Variants in TRAPPC11 observed in about 807,000 individuals in gnomAD.
TRAPPC11 encodes trafficking protein particle complex subunit 11.
TRAPPC11 carries 104 observed loss-of-function variants against 151.2 expected under a neutral mutation model. That is an observed-to-expected ratio of 0.69 (90% CI 0.59 to 0.81). The LOEUF (loss-of-function observed/expected upper bound fraction) is 0.81, where lower values mean the gene tolerates loss of function less well. Among genes scored for constraint, TRAPPC11 ranks in the 30% least tolerant of loss-of-function variants. The pLI is 0.00. For missense variants in TRAPPC11, 1,230 were observed against 1,349.6 expected, an observed-to-expected ratio of 0.91 and a Z score of 1.39; for synonymous variants, 456 against 472.3, an observed-to-expected ratio of 0.97 and a Z score of 0.45.
In TRAPPC11 at chr4:183,668,049, A is replaced by C. The variant is rs368033997; in HGVS notation, c.492A>C (p.Ala164=). 2 of 1,613,958 alleles carry C rather than the reference A, an allele frequency of 1.2e-6. No individual in the cohort carries two copies. Among genetic ancestry groups the C allele is most frequent in the South Asian group, 2.2e-5 (2 of 91,074 alleles). The change falls in exon 5 of 30, where the codon GCA becomes GCC. Residue 164 remains alanine, a synonymous_variant. Transcript: ENST00000334690. ...ASERAAALCN[A]CELSGKSLFV... ...AAAGGGCTGCAGCTTTATGCAATGC[A>C]TGTGAACTCTCAGGAAAGTCTTTGT...
In TRAPPC11 at chr4:183,706,350, C is replaced by T. The variant is rs918595450; in HGVS notation, c.3056-457C>T. On this transcript the variant is annotated intron_variant, in intron 27 of 29. Transcript: ENST00000334690. ...CATCCTGGCTAACACGGTGAAACCCCGTCTCTATTAAAAATGCAAAAAATT... is the reference window on the plus strand; with the variant it reads ...CATCCTGGCTAACACGGTGAAACCCTGTCTCTATTAAAAATGCAAAAAATT... Among the ~76,000 whole-genome samples, 7 of 151,962 alleles carry T rather than the reference C, an allele frequency of 4.6e-5. No individual in the cohort carries two copies. The East Asian group carries it at 7.7e-4, about 17-fold the overall frequency.
intron 9 of TRAPPC11, 28 bp from the exon 10 acceptor site, chr4:183,680,092 T>G (rs1561039941): frequency 6.3e-7 from 1 of 1,587,352 alleles, no homozygotes; most frequent in Non-Finnish European, 8.6e-7. Flanking sequence ...TTCATTCCTC[T>G]TTATTTCTTG....
At chr4:183,669,162 A>G (rs376094973) in intron 5 of TRAPPC11, among the ~76,000 whole-genome samples, 9 of 152,248 alleles carry the variant, frequency 5.9e-5, no homozygotes, top group African/African-American at 1.7e-4. Context: ...TTACACTGGA[A>G]GCAGTAAACA....
intron 14 of TRAPPC11, 125 bp downstream of exon 14, chr4:183,684,484 C>A: frequency 1.9e-6 from 2 of 1,060,738 alleles, no homozygotes; most frequent in Non-Finnish European, 2.7e-6. Flanking sequence ...AACTCCATTT[C>A]TGTAATGTTT....
Position 183,674,796 on chromosome 4 carries a change from A to G in TRAPPC11, c.644A>G (p.Asn215Ser), listed in dbSNP as rs758312470. The G allele has an allele frequency of 1.9e-6, 3 of 1,591,904 alleles. No homozygotes were observed. Among genetic ancestry groups the G allele is most frequent in the East Asian group, 2.3e-5 (1 of 43,598 alleles). The change falls in exon 6 of 30, where the codon AAT becomes AGT. Residue 215 changes from asparagine (N) to serine (S), a missense_variant. Coordinates refer to ENST00000334690, the MANE Select transcript of TRAPPC11 (RefSeq NM_021942.6). ...GTGAAATCTCATAAAGAATTTTTGA[A>G]TAAAACAACACACCAGGTGCGTGAT... The part of the protein sequence containing the change: ...RRVKSHKEFL[N>S]KTTHQLLFVR...
At chr4:183,687,511 T>C (rs1314306194) in intron 18 of TRAPPC11, among the ~76,000 whole-genome samples, 2 of 152,052 alleles carry the variant, frequency 1.3e-5, no homozygotes, top group African/African-American at 2.4e-5. Flanking sequence ...GTATTTTTTG[T>C]AGAGACAGGG....
rs1172337066 is a variant in TRAPPC11 at position 183,677,469 on chromosome 4, C to A, written c.746C>A (p.Thr249Asn). 1 of 1,593,112 alleles carries A rather than the reference C, an allele frequency of 6.3e-7. No individual in the cohort carries two copies. The highest frequency in any genetic ancestry group is 2.2e-5 in the East Asian group (1 of 44,672). ...DTQNALKNYR[T>N]AYNLVHELRA... ...CCCTCCTCATTTAGGAATTATAGGA[C>A]CGCCTATAATCTTGTACACGAATTG... The change falls in exon 8 of 30, where the codon ACC (threonine) becomes AAC (asparagine). Residue 249 changes from threonine to asparagine, a missense_variant. By Grantham distance (65) the Thr-to-Asn change is moderately conservative. Transcript: ENST00000334690.
chr4:183,688,895 A>T (rs1011893175), intron 18 of TRAPPC11, among the ~76,000 whole-genome samples: 13 of 152,054 alleles, frequency 8.5e-5, no homozygotes, highest in African/African-American at 3.1e-4. Context: ...CTACAGGCAC[A>T]TGCCACCATG....
intron 8 of TRAPPC11, among the ~76,000 whole-genome samples, chr4:183,679,099 T>A (rs1735549752): frequency 6.6e-6 from 1 of 152,200 alleles, no homozygotes; most frequent in South Asian, 2.1e-4. Flanking sequence ...CCATATTTTT[T>A]AAAAGCTTTT....
chr4:183,700,216 G>T (rs1359150322), intron 25 of TRAPPC11, among the ~76,000 whole-genome samples: 1 of 152,106 alleles, frequency 6.6e-6, no homozygotes. Context: ...TTTAAAAGAC[G>T]ATCTCTAGAG....
At chr4:183,689,845 A>G (rs1736167598) in intron 18 of TRAPPC11, among the ~76,000 whole-genome samples, 1 of 151,930 alleles carries the variant, frequency 6.6e-6, no homozygotes, top group South Asian at 2.1e-4. Flanking sequence ...TAATAACGCT[A>G]AAATGGAATA....
intron 1 of TRAPPC11, among the ~76,000 whole-genome samples, chr4:183,661,391 C>T (rs779708798): frequency 1.0e-5 from 1 of 97,652 alleles, no homozygotes; most frequent in Non-Finnish European, 1.8e-5. Flanking sequence ...TTTTTTGAGA[C>T]GGAGTCTCCT....
intron 28 of TRAPPC11, 110 bp from the exon 29 acceptor site, chr4:183,708,297 G>A: frequency 1.7e-6 from 2 of 1,143,728 alleles, no homozygotes; most frequent in South Asian, 3.1e-5. Context: ...GAATATTTCA[G>A]TAGAAGGATT....
intron 1 of TRAPPC11, 145 bp from the exon 2 acceptor site, chr4:183,663,702 A>C: frequency 1.7e-6 from 1 of 600,770 alleles, no homozygotes. Flanking sequence ...TGATTTTTAA[A>C]TAGAGATTCA....
rs373849080 is a variant in TRAPPC11 at position 183,682,840 on chromosome 4, C to T, written c.1207+15C>T. The T allele has an allele frequency of 2.7e-4, 422 of 1,576,210 alleles. No individual in the cohort carries two copies. Among genetic ancestry groups the T allele is most frequent in the Non-Finnish European group, 3.4e-4 (393 of 1,146,142 alleles). ...AGGAATACTAAGTAAATAATTTTTC[C>T]CTCTGTCCTTTCCTCTCAACCTCAA... On this transcript the variant is annotated intron_variant, in intron 11 of 29. Coordinates refer to ENST00000334690, the MANE Select transcript of TRAPPC11 (RefSeq NM_021942.6).
intron 28 of TRAPPC11, 47 bp downstream of exon 28, chr4:183,706,987 A>C: frequency 6.2e-7 from 1 of 1,600,192 alleles, no homozygotes; most frequent in Non-Finnish European, 8.5e-7. Flanking sequence ...AAAGTGTGCC[A>C]GGAAACGGAG....
At chr4:183,663,302 T>C (rs750644360) in intron 1 of TRAPPC11, among the ~76,000 whole-genome samples, 1 of 152,104 alleles carries the variant, frequency 6.6e-6, no homozygotes, top group Non-Finnish European at 1.5e-5. Context: ...GGCGCCATCT[T>C]GGCTCACTGC....
chr4:183,677,686 A>T, intron 8 of TRAPPC11, 132 bp downstream of exon 8: 1 of 609,458 alleles, frequency 1.6e-6, no homozygotes, highest in Non-Finnish European at 2.9e-6. Context: ...CCCCTTTTAT[A>T]TCCTTTTTCT....
chr4:183,707,120 C>T (rs1737112640), intron 28 of TRAPPC11, among the ~76,000 whole-genome samples, 180 bp downstream of exon 28: 1 of 152,124 alleles, frequency 6.6e-6, no homozygotes, highest in Non-Finnish European at 1.5e-5. Flanking sequence ...TTACCCTTGT[C>T]ACATCATTGA....
Sources: gnomAD v4.1 joint callset for allele counts (sites outside exome capture counted in the v4.1 genomes callset) on GRCh38, gnomAD v4.1.1 for gene constraint, MANE v1.5 for transcripts, NCBI Gene and HGNC (gene_info 2026-07-23, HGNC 2026-07-21) for gene names.